RILPL1: variants seen among roughly 807,000 people sequenced by gnomAD.
RILPL1 encodes the protein RILP-like protein 1.
Under a neutral mutation model 50.3 loss-of-function variants are expected in RILPL1, and 33 were observed. The ratio of observed to expected loss-of-function variants is 0.66; its 90% CI spans 0.50 to 0.88. RILPL1 has a LOEUF of 0.88. RILPL1 is among the 40% of genes least tolerant of loss of function. The pLI, the probability that RILPL1 is intolerant of heterozygous loss-of-function variation, is 0.00. For missense variants in RILPL1, 418 were observed against 542.5 expected, an observed-to-expected ratio of 0.77 and a Z score of 2.28; for synonymous variants, 205 against 228.6, an observed-to-expected ratio of 0.90 and a Z score of 0.93.
chr12:123,533,715 C>CGAGT lies in RILPL1; in HGVS notation c.-237_-234dup, dbSNP rs1885538245. On this transcript the variant is annotated 5_prime_UTR_variant, in exon 1 of 7. Coordinates refer to ENST00000376874, the MANE Select transcript of RILPL1 (RefSeq NM_178314.5). The surrounding 1 kb of genome is among the most constrained non-coding windows in gnomAD (Gnocchi z 6.2). ...GCCCGGCTCGGCCCGGAGCTGCTCC[C>CGAGT]GAGTGGGCGGCGGCGGCGGCGGCGG... 5.9e-6 allele frequency: 1 copy of CGAGT among 168,202 alleles called. No homozygotes were observed. Among genetic ancestry groups the CGAGT allele is most frequent in the African/African-American group, 2.5e-5 (1 of 39,994 alleles). 10.4% of individuals were successfully genotyped at this position (168,202 alleles called of 1,614,324 possible).
At chr12:123,496,225 G>A (rs1426652445) in intron 4 of RILPL1, among the ~76,000 whole-genome samples, 2 of 151,950 alleles carry the variant, frequency 1.3e-5, no homozygotes, top group Non-Finnish European at 2.9e-5. Flanking sequence ...TATTGGCCAG[G>A]CTGGTCTCGA....
At chr12:123,486,944 G>C (rs11526043) in intron 4 of RILPL1, among the ~76,000 whole-genome samples, 7 of 152,026 alleles carry the variant, frequency 4.6e-5, no homozygotes, top group East Asian at 1.9e-4. Context: ...GATTACAGGC[G>C]CCTGCCATTA....
intron 6 of RILPL1, among the ~76,000 whole-genome samples, chr12:123,478,242 C>T (rs1307240330): frequency 2.6e-5 from 4 of 151,792 alleles, no homozygotes; most frequent in Non-Finnish European, 5.9e-5. Flanking sequence ...CTCAAGCGAT[C>T]CCCCCACCTC....
rs895157933 is a variant in RILPL1 at position 123,482,113 on chromosome 12, C to T, written c.1067+2067G>A. The stretch of plus-strand genomic sequence containing the variant: ...GGTCTTGAACTTCTGACCTCATGAT[C>T]CACCCACCTAGACCTCCCAAAGTGC... On this transcript the variant is annotated intron_variant, in intron 6 of 6. Coordinates refer to ENST00000376874, the MANE Select transcript of RILPL1 (RefSeq NM_178314.5). Among the ~76,000 whole-genome samples, 41 of 152,016 alleles carry T rather than the reference C, an allele frequency of 2.7e-4. 2 individuals are homozygous for T. The highest frequency in any genetic ancestry group is 2.9e-5 in the Non-Finnish European group (2 of 67,994).
At chr12:123,475,576 G>T in intron 6 of RILPL1, 1 of 837,838 alleles carries the variant, frequency 1.2e-6, no homozygotes, top group South Asian at 1.4e-5. Flanking sequence ...AAGTGGCCAG[G>T]GGGAGACAGG....
intron 2 of RILPL1, among the ~76,000 whole-genome samples, chr12:123,502,995 CTCCTGCCT>C (rs1883495078): frequency 6.6e-6 from 1 of 151,484 alleles, no homozygotes; most frequent in Non-Finnish European, 1.5e-5. Context: ...TCCAGTGATT[CTCCTGCCT>C]CAGCCTCCCA....
chr12:123,504,940 T>A (rs1161462605), intron 2 of RILPL1, among the ~76,000 whole-genome samples: 8 of 152,188 alleles, frequency 5.3e-5, no homozygotes. Context: ...CAGACTCTAG[T>A]CCCCACTTTC....
intron 2 of RILPL1, chr12:123,513,411 G>A (rs1263199572): frequency 9.0e-6 from 3 of 333,680 alleles, no homozygotes; most frequent in South Asian, 4.2e-5. Flanking sequence ...GGCGGGAGGC[G>A]AGCATGAGGA....
chr12:123,495,443 C>T (rs556060545), intron 4 of RILPL1, among the ~76,000 whole-genome samples: 10 of 149,766 alleles, frequency 6.7e-5, no homozygotes, highest in African/African-American at 2.0e-4. Context: ...GGTGCGATCT[C>T]GGCTCACTGC....
chr12:123,523,040 CT>C (rs1277081714), intron 2 of RILPL1, among the ~76,000 whole-genome samples: 2 of 152,140 alleles, frequency 1.3e-5, no homozygotes, highest in Non-Finnish European at 2.9e-5. Flanking sequence ...CCTCGAAGGC[CT>C]TCCCTGATGA....
rs556323493 is a variant in RILPL1, at chr12:123,494,607, C to A, written c.801+3937G>T. On this transcript the variant is annotated intron_variant, in intron 4 of 6. Transcript: ENST00000376874. ...GAGACCAGCCTGAGCTCCCGTGGGGCCTGAAGGTTGGAAGGGGCACACTAG... is the reference window on the plus strand; with the variant it reads ...GAGACCAGCCTGAGCTCCCGTGGGGACTGAAGGTTGGAAGGGGCACACTAG... Among the ~76,000 whole-genome samples the A allele has an allele frequency of 2.6e-5, 4 of 152,218 alleles. No homozygotes were observed. In the East Asian group the frequency reaches 7.7e-4, roughly 29 times the overall value.
Position 123,498,304 on chromosome 12 carries a change from C to G in RILPL1, c.801+240G>C, listed in dbSNP as rs1223798430. On this transcript the variant is annotated intron_variant, in intron 4 of 6. Transcript: ENST00000376874. This position sits in a 1 kb window ranked among gnomAD's most constrained non-coding sequence, Gnocchi z 4.3. ...AATCATGGCTCATTGCAGCCTTGAA[C>G]TCCTGGGCTCAAGTGATCCTCCTGC... Among the ~76,000 whole-genome samples, 1 of 150,398 alleles carries G rather than the reference C, an allele frequency of 6.6e-6. No homozygotes were observed. The highest frequency in any genetic ancestry group is 1.5e-5 in the Non-Finnish European group (1 of 67,830).
intron 2 of RILPL1, among the ~76,000 whole-genome samples, chr12:123,499,891 C>G (rs184296309): frequency 6.6e-6 from 1 of 152,124 alleles, no homozygotes; most frequent in Non-Finnish European, 1.5e-5. Context: ...TCCCCCACAC[C>G]TCATTCATTC....
intron 1 of RILPL1, among the ~76,000 whole-genome samples, chr12:123,529,666 A>G (rs1885381950): frequency 6.6e-6 from 1 of 151,380 alleles, no homozygotes; most frequent in Non-Finnish European, 1.5e-5. Flanking sequence ...AGACAGGAGG[A>G]CTGCTTGAGC....
intron 6 of RILPL1, among the ~76,000 whole-genome samples, chr12:123,483,208 G>C (rs941238913): frequency 6.6e-6 from 1 of 152,224 alleles, no homozygotes; most frequent in Non-Finnish European, 1.5e-5. Flanking sequence ...TCTCAGGGGA[G>C]AGAATGCAGC....
chr12:123,518,871 A>C (rs184004290), intron 2 of RILPL1, among the ~76,000 whole-genome samples: 15 of 152,070 alleles, frequency 9.9e-5, no homozygotes, highest in Admixed American at 5.9e-4. Context: ...ATACTGGCTA[A>C]CACGGTGAAA....
At chr12:123,529,978 G>C (rs1458640088) in intron 1 of RILPL1, among the ~76,000 whole-genome samples, 1 of 151,914 alleles carries the variant, frequency 6.6e-6, no homozygotes, top group Non-Finnish European at 1.5e-5. Context: ...TTGAGCATTT[G>C]ACATGTGGCT....
In RILPL1 at chr12:123,499,502, C is replaced by T. The variant is rs1883236062; in HGVS notation, c.495G>A (p.Lys165=). 14 of 1,613,864 alleles carry T rather than the reference C, an allele frequency of 8.7e-6. No individual in the cohort carries two copies. The highest frequency in any genetic ancestry group is 1.2e-5 in the Non-Finnish European group (14 of 1,179,886). The change falls in exon 3 of 7, where the codon AAG becomes AAA. Residue 165 remains lysine (K), a synonymous_variant. Transcript: ENST00000376874. The stretch of plus-strand genomic sequence containing the variant: ...GTTGTTTGTCCACCACCTCCTTCAG[C>T]TTCTTCATCACCTGTCGCTCCCGCT... ...MSERERQVMK[K]LKEVVDKQRD... is the part of the protein sequence containing the mutation.
intron 1 of RILPL1, among the ~76,000 whole-genome samples, chr12:123,532,939 G>A (rs912518014): frequency 6.6e-6 from 1 of 152,106 alleles, no homozygotes; most frequent in African/African-American, 2.4e-5. Flanking sequence ...GCTATTAAAC[G>A]GTAAAGGTGG....
Sources: allele counts gnomAD v4.1 joint callset (sites outside exome capture counted in the v4.1 genomes callset), GRCh38; gene constraint gnomAD v4.1.1; non-coding constraint Gnocchi (gnomAD v3.1); transcripts MANE v1.5; gene names NCBI Gene and HGNC (gene_info 2026-07-23, HGNC 2026-07-21).